ACYP2: variants seen among roughly 807,000 people sequenced by gnomAD.
ACYP2 encodes acylphosphatase 2, also known as acylphosphatase-2.
A neutral mutation model predicts 11.2 loss-of-function variants in ACYP2; 12 were observed. The observed-to-expected ratio is 1.08, with a 90% CI of 0.69 to 1.74. The LOEUF is 1.74. Ranked by LOEUF, ACYP2 falls within the 40% of genes most tolerant of loss-of-function variation. The probability of loss-of-function intolerance (pLI) is 0.00; values close to 1 mark genes in which losing one functional copy is unlikely to be tolerated. For missense variants in ACYP2, 134 were observed against 101.9 expected (o/e 1.31, Z -1.35); for synonymous variants, 43 against 32.2 (o/e 1.33, Z -1.13).
At position 54,021,926 on chromosome 2, in the gene ACYP2, C is replaced by T. The variant is rs1049506659; in HGVS notation, c.63-29032C>T. On this transcript the variant is annotated intron_variant, in intron 2 of 6. Coordinates refer to ENST00000607452, the MANE Select transcript of ACYP2 (RefSeq NM_001320586.2). Reference sequence around the variant, plus strand: ...TGAAGACGGGCACATTTTAAGTGCTCGGGCAGCATAAATACTTTGGCCAAC... The same window carrying T: ...TGAAGACGGGCACATTTTAAGTGCTTGGGCAGCATAAATACTTTGGCCAAC... Among the ~76,000 whole-genome samples, 20 of 151,922 alleles carry T rather than the reference C, an allele frequency of 1.3e-4. 1 individual carries two copies. Among genetic ancestry groups the T allele is most frequent in the Admixed American group, 4.6e-4 (7 of 15,246 alleles).
chr2:54,135,339 A>C, intron 4 of ACYP2, 114 bp from the exon 2 acceptor site: 1 of 883,924 alleles, frequency 1.1e-6, no homozygotes, highest in Non-Finnish European at 1.8e-6. Context: ...GTGAAACTGC[A>C]GAAGGTGAAA....
At chr2:54,015,481 G>GA (rs138470298) in intron 2 of ACYP2, among the ~76,000 whole-genome samples, 21 of 148,540 alleles carry the variant, frequency 1.4e-4, no homozygotes, top group South Asian at 2.1e-4. Context: ...GTTCTCCAGG[G>GA]AAAAAAAAAA....
At chr2:54,011,570 C>A (rs1450276318) in intron 2 of ACYP2, among the ~76,000 whole-genome samples, 2 of 152,098 alleles carry the variant, frequency 1.3e-5, no homozygotes, top group Admixed American at 6.6e-5. Context: ...TTGTATCTTG[C>A]ATTTTGGGGA....
chr2:54,121,577 A>G (rs1340743280), intron 4 of ACYP2, among the ~76,000 whole-genome samples: 1 of 152,248 alleles, frequency 6.6e-6, no homozygotes, highest in Non-Finnish European at 1.5e-5. Context: ...TGCATGATTT[A>G]GAAGTACACA....
chr2:54,174,234 A>T (rs1173640210), intron 6 of ACYP2, among the ~76,000 whole-genome samples: 1 of 152,140 alleles, frequency 6.6e-6, no homozygotes, highest in African/African-American at 2.4e-5. Context: ...GTTCTCCTTG[A>T]AGAGGTCCTT....
At chr2:54,297,146 T>C (rs1294869691) in intron 6 of ACYP2, among the ~76,000 whole-genome samples, 1 of 151,988 alleles carries the variant, frequency 6.6e-6, no homozygotes, top group African/African-American at 2.4e-5. Flanking sequence ...GCACACTTAC[T>C]GTAGAAATTT....
chr2:53,974,149 C>T lies in ACYP2; in HGVS notation c.62+339C>T, dbSNP rs886830847. On this transcript the variant is annotated intron_variant, in intron 2 of 6. Transcript: ENST00000607452. ...CAGGCTGGTCTCGAACTCCTGACCT[C>T]GTGATCCGCCCGCCTTGGACTCCCA... 1.3e-4 allele frequency among the ~76,000 whole-genome samples: 20 copies of T among 151,808 alleles called. No homozygotes were observed. The East Asian group carries it at 2.1e-3, about 16-fold the overall frequency.
chr2:54,202,384 G>T (rs546164976), intron 6 of ACYP2, among the ~76,000 whole-genome samples: 2 of 150,666 alleles, frequency 1.3e-5, no homozygotes, highest in South Asian at 4.2e-4. Context: ...TGGGATTACA[G>T]GCATGAGCCA....
chr2:54,191,146 T>A (rs555349223), intron 6 of ACYP2, among the ~76,000 whole-genome samples: 26 of 152,258 alleles, frequency 1.7e-4, no homozygotes, highest in Admixed American at 5.9e-4. Context: ...TGCTTTCCCC[T>A]GTGCCCCCAA....
At chr2:54,187,998 G>A (rs555608010) in intron 6 of ACYP2, among the ~76,000 whole-genome samples, 2 of 152,192 alleles carry the variant, frequency 1.3e-5, no homozygotes, top group Admixed American at 1.3e-4. Context: ...AGCCTTCAAG[G>A]TGCTGCCTTA....
chr2:54,000,693 C>G (rs938140871), intron 2 of ACYP2, among the ~76,000 whole-genome samples: 1 of 152,096 alleles, frequency 6.6e-6, no homozygotes, highest in African/African-American at 2.4e-5. Context: ...CATGATAACC[C>G]CAGCAGGGGC....
intron 3 of ACYP2, among the ~76,000 whole-genome samples, chr2:54,055,576 G>C (rs1004518340): frequency 1.3e-5 from 2 of 152,160 alleles, no homozygotes; most frequent in Admixed American, 1.3e-4. Context: ...AGAAAATAGA[G>C]GCTCAGAGAA....
At chr2:54,071,902 T>A (rs1677066547) in intron 4 of ACYP2, among the ~76,000 whole-genome samples, 1 of 152,012 alleles carries the variant, frequency 6.6e-6, no homozygotes, top group Non-Finnish European at 1.5e-5. Flanking sequence ...TCCCAGCTAC[T>A]TAGGAGGCTG....
chr2:54,029,565 G>T, intron 2 of ACYP2: 1 of 395,060 alleles, frequency 2.5e-6, no homozygotes. Flanking sequence ...TCTGGGTGGA[G>T]CTGACTGGTG....
intron 2 of ACYP2, among the ~76,000 whole-genome samples, chr2:53,987,748 G>A (rs1381495656): frequency 6.6e-6 from 1 of 152,114 alleles, no homozygotes; most frequent in Non-Finnish European, 1.5e-5. Context: ...ACAGGAACAT[G>A]CTTTTATGTG....
chr2:53,999,654 T>C (rs753205549), intron 2 of ACYP2, among the ~76,000 whole-genome samples: 1 of 152,112 alleles, frequency 6.6e-6, no homozygotes, highest in Non-Finnish European at 1.5e-5. Flanking sequence ...AATAGTACCT[T>C]AATTAAAGAA....
intron 6 of ACYP2, among the ~76,000 whole-genome samples, chr2:54,197,242 A>G (rs1214894300): frequency 6.6e-6 from 1 of 152,100 alleles, no homozygotes; most frequent in African/African-American, 2.4e-5. Context: ...GTTGAGAGCT[A>G]CCTCAGGGGT....
chr2:54,045,439 G>C (rs1231579992), intron 2 of ACYP2, among the ~76,000 whole-genome samples: 1 of 152,160 alleles, frequency 6.6e-6, no homozygotes, highest in African/African-American at 2.4e-5. Context: ...ACAGTGTTTT[G>C]TTTTTAAGAG....
At chr2:54,151,239 G>A (rs952190182) in intron 6 of ACYP2, among the ~76,000 whole-genome samples, 10 of 152,070 alleles carry the variant, frequency 6.6e-5, no homozygotes, top group African/African-American at 2.2e-4. Context: ...ATTTTTTTGA[G>A]TTTCCAGTTG....
Sources: allele counts gnomAD v4.1 joint callset (sites outside exome capture counted in the v4.1 genomes callset), GRCh38; gene constraint gnomAD v4.1.1; transcripts MANE v1.5; gene names NCBI Gene and HGNC (gene_info 2026-07-23, HGNC 2026-07-21).